The following GTF3C6 variants were observed in gnomAD, a reference collection of about 807,000 sequenced individuals.
The protein encoded by GTF3C6 is general transcription factor IIIC subunit 6.
Under a neutral mutation model 19.2 loss-of-function variants are expected in GTF3C6, and 11 were observed. The observed-to-expected ratio is 0.57, with a 90% CI of 0.36 to 0.95. The LOEUF (loss-of-function observed/expected upper bound fraction) is 0.95, where lower values mean the gene tolerates loss of function less well. Ranked by LOEUF, GTF3C6 falls within the 40% of genes least tolerant of loss-of-function variation. GTF3C6 has a pLI of 0.01. For synonymous variants in GTF3C6, 87 were observed against 84.2 expected (o/e 1.03, Z -0.18); for missense variants, 222 against 254.7 (o/e 0.87, Z 0.87).
At chr6:110,959,356 C>T in intron 2 of GTF3C6, 104 bp downstream of exon 2, 1 of 726,730 alleles carries the variant, frequency 1.4e-6, no homozygotes, top group South Asian at 1.6e-5. Context: ...TTTATTTCAC[C>T]TTACAAAGTA....
At chr6:110,960,212 C>T (rs568864086) in intron 2 of GTF3C6, among the ~76,000 whole-genome samples, 19 of 152,210 alleles carry the variant, frequency 1.2e-4, no homozygotes, top group African/African-American at 4.1e-4. Flanking sequence ...TGAAATAAAC[C>T]TTGTTACTTG....
Position 110,960,568 on chromosome 6 carries a change from G to T in GTF3C6, c.203-4G>T. 1 of 1,613,564 alleles carries T rather than the reference G, an allele frequency of 6.2e-7. No individual in the cohort carries two copies. The highest frequency in any genetic ancestry group is 1.1e-5 in the South Asian group (1 of 91,068). The stretch of plus-strand genomic sequence containing the variant: ...CAACAATTTGCCTTTGTATTTTTCT[G>T]CAGACACTCTAGGGACCTGTGTTAT... On this transcript the variant is annotated splice_polypyrimidine_tract_variant and splice_region_variant and intron_variant, in intron 3 of 5. Coordinates refer to ENST00000329970, the MANE Select transcript of GTF3C6 (RefSeq NM_138408.4).
In GTF3C6 at chr6:110,958,759, G is replaced by C. The variant is rs769261435; in HGVS notation, c.-11G>C. ...GTGGCCAGTGACTAGAAGGCGAGGC[G>C]CCGCGGGACCATGGCGGCGGCGGCG... On this transcript the variant is annotated 5_prime_UTR_variant, in exon 1 of 6. Coordinates refer to ENST00000329970, the MANE Select transcript of GTF3C6 (RefSeq NM_138408.4). The C allele has an allele frequency of 6.4e-7, 1 of 1,550,716 alleles. No individual in the cohort carries two copies. The highest frequency in any genetic ancestry group is 8.7e-7 in the Non-Finnish European group (1 of 1,146,890).
At position 110,960,425 on chromosome 6, in the gene GTF3C6, T is replaced by G. The variant is rs1303065436; in HGVS notation, c.150T>G (p.Thr50=). ...ENKCKVLGID[T]ERPILQVDSC... ...TTATTCTGTTGTAGGGCATTGACAC[T>G]GAGAGGCCCATTCTGCAAGTGGACA... Residue 50 remains threonine, a synonymous_variant, in exon 3 of 6, where the codon ACT becomes ACG. Coordinates refer to ENST00000329970, the MANE Select transcript of GTF3C6 (RefSeq NM_138408.4). 3 of 1,613,294 alleles carry G rather than the reference T, an allele frequency of 1.9e-6. No individual in the cohort carries two copies. Among genetic ancestry groups the G allele is most frequent in the Admixed American group, 3.3e-5 (2 of 59,856 alleles).
At position 110,958,769 on chromosome 6, in the gene GTF3C6, C is replaced by T. The variant is rs746560292; in HGVS notation, c.-1C>T. On this transcript the variant is annotated 5_prime_UTR_variant, in exon 1 of 6. Coordinates refer to ENST00000329970, the MANE Select transcript of GTF3C6 (RefSeq NM_138408.4). ...ACTAGAAGGCGAGGCGCCGCGGGAC[C>T]ATGGCGGCGGCGGCGGACGAGCGGA... 3 of 1,550,742 alleles carry T rather than the reference C, an allele frequency of 1.9e-6. No individual in the cohort carries two copies. The highest frequency in any genetic ancestry group is 2.4e-5 in the East Asian group (1 of 40,998).
At chr6:110,962,150 C>A (rs886735235) in intron 4 of GTF3C6, among the ~76,000 whole-genome samples, 1 of 151,986 alleles carries the variant, frequency 6.6e-6, no homozygotes. Context: ...GTGAACCACT[C>A]GCCTCGGCCT....
At chr6:110,961,123 C>T (rs1483858563) in intron 4 of GTF3C6, among the ~76,000 whole-genome samples, 7 of 151,946 alleles carry the variant, frequency 4.6e-5, no homozygotes. Flanking sequence ...TACTTCTTTC[C>T]CTCTGTCTTC....
At chr6:110,964,730 C>T (rs911671616) in intron 5 of GTF3C6, among the ~76,000 whole-genome samples, 11 of 152,094 alleles carry the variant, frequency 7.2e-5, no homozygotes, top group African/African-American at 2.7e-4. Context: ...CAACCTCTGC[C>T]TCCCAGGTTC....
chr6:110,962,605 AC>A lies in GTF3C6; in HGVS notation c.361+101del, dbSNP rs1378959605. On this transcript the variant is annotated intron_variant, in intron 5 of 5. Transcript: ENST00000329970. ...CCTTGTACTTTTTAGTAATAACTAT[AC>A]ATGATTTTTGTTTTTTCAGACAGTC... The A allele has an allele frequency of 5.9e-6, 4 of 678,336 alleles. No homozygotes were observed. In the African/African-American group the frequency reaches 7.3e-5, roughly 12 times the overall value. 42.0% of individuals were successfully genotyped at this position (678,336 alleles called of 1,614,324 possible).
intron 5 of GTF3C6, among the ~76,000 whole-genome samples, chr6:110,963,031 C>T (rs534411142): frequency 6.6e-6 from 1 of 152,282 alleles, no homozygotes; most frequent in African/African-American, 2.4e-5. Flanking sequence ...CCCGCCTTGG[C>T]TTCCCAAAGT....
rs905863140 is a variant in GTF3C6 at position 110,962,429 on chromosome 6, T to C, written c.285T>C (p.Tyr95=). Residue 95 remains tyrosine, a synonymous_variant, in exon 5 of 6, where the codon TAT becomes TAC. Transcript: ENST00000329970. ...TEGNNKTVLK[Y]KCHTMKKLSM... is the part of the protein sequence containing the mutation. ...GCAATAATAAAACAGTGCTAAAATATAAATGCCATACAATGAAGAAGCTCA... is the reference window on the plus strand; with the variant it reads ...GCAATAATAAAACAGTGCTAAAATACAAATGCCATACAATGAAGAAGCTCA... 3.7e-6 allele frequency: 6 copies of C among 1,610,554 alleles called. No individual in the cohort carries two copies. In the Admixed American group the frequency reaches 5.0e-5, roughly 13 times the overall value.
intron 2 of GTF3C6, among the ~76,000 whole-genome samples, chr6:110,960,139 T>C (rs1334185772): frequency 6.6e-6 from 1 of 152,082 alleles, no homozygotes; most frequent in East Asian, 1.9e-4. Context: ...ACAGATAGAC[T>C]CTTTGCACTA....
chr6:110,967,179 G>A (rs1315758227), intron 5 of GTF3C6, among the ~76,000 whole-genome samples: 1 of 151,888 alleles, frequency 6.6e-6, no homozygotes, highest in Non-Finnish European at 1.5e-5. Context: ...GTAGGGAAGT[G>A]ATAAGTTTCC....
At chr6:110,962,151 G>A (rs35310090) in intron 4 of GTF3C6, among the ~76,000 whole-genome samples, 26,027 of 151,970 alleles carry the variant, frequency 0.17, 2,260 homozygotes, top group South Asian at 0.28. Flanking sequence ...TGAACCACTC[G>A]CCTCGGCCTC....
Position 110,960,303 on chromosome 6 carries a change from T to C in GTF3C6, c.139-111T>C, listed in dbSNP as rs1771143043. On this transcript the variant is annotated intron_variant, in intron 2 of 5. Transcript: ENST00000329970. The stretch of plus-strand genomic sequence containing the variant: ...TTATCCTGTACTTGGTAGGACAAGA[T>C]GCTCTAGAGGTTCCCCAGTTTTGGA... The C allele has an allele frequency of 3.6e-6, 3 of 831,042 alleles. No individual in the cohort carries two copies. In the Admixed American group the frequency reaches 8.7e-5, roughly 24 times the overall value. The allele number at this position is 831,042 out of a possible 1,614,324, so 51.5% of individuals were successfully genotyped here. A position where few individuals can be genotyped will look rare whatever the true frequency, so the allele number is the denominator to read the frequency against.
At chr6:110,959,026 C>T in intron 1 of GTF3C6, 146 bp from the exon 2 acceptor site, 1 of 825,378 alleles carries the variant, frequency 1.2e-6, no homozygotes, top group Non-Finnish European at 2.0e-6. Context: ...ATGGGAAGTA[C>T]CGGGAAGTTA....
chr6:110,967,723 G>T lies in GTF3C6; in HGVS notation c.575G>T (p.Gly192Val), dbSNP rs1000635946. The T allele has an allele frequency of 1.2e-6, 2 of 1,613,798 alleles. No homozygotes were observed. The highest frequency in any genetic ancestry group is 1.7e-5 in the Admixed American group (1 of 59,968). Residue 192 changes from glycine to valine, a missense_variant, in exon 6 of 6, where the codon GGT becomes GTT. Transcript: ENST00000329970. ...ATGCACTTGGAAATAGAAGATTCTG[G>T]TCCTCTTATTGATATACCTTCTGAG... is the stretch of plus-strand genomic sequence containing the variant. The part of the protein sequence containing the change: ...KPMHLEIEDS[G>V]PLIDIPSETE...
intron 5 of GTF3C6, among the ~76,000 whole-genome samples, chr6:110,963,039 A>T (rs1771185236): frequency 6.6e-6 from 1 of 152,058 alleles, no homozygotes; most frequent in Non-Finnish European, 1.5e-5. Context: ...GGCTTCCCAA[A>T]GTGCTGGGAT....
At chr6:110,963,953 C>T (rs1771196414) in intron 5 of GTF3C6, among the ~76,000 whole-genome samples, 1 of 152,106 alleles carries the variant, frequency 6.6e-6, no homozygotes, top group Non-Finnish European at 1.5e-5. Context: ...CAACCTGCCT[C>T]GGCCTCCCAA....
Sources: gnomAD v4.1 joint callset for allele counts (sites outside exome capture counted in the v4.1 genomes callset) on GRCh38, gnomAD v4.1.1 for gene constraint, MANE v1.5 for transcripts, NCBI Gene and HGNC (gene_info 2026-07-23, HGNC 2026-07-21) for gene names.